Variants in LIN7A observed in about 807,000 individuals in gnomAD.
LIN7A encodes lin-7 cell polarity scaffold A.
A neutral mutation model predicts 29.8 loss-of-function variants in LIN7A; 25 were observed. That is an observed-to-expected ratio of 0.84 (90% confidence interval 0.61 to 1.17). The LOEUF (loss-of-function observed/expected upper bound fraction) is 1.17. Ranked by LOEUF, LIN7A falls within the 50% of genes most tolerant of loss-of-function variation. The probability of loss-of-function intolerance (pLI) is 0.00; values close to 1 mark genes in which losing one functional copy is unlikely to be tolerated. For missense variants in LIN7A, 239 were observed against 287.0 expected (o/e 0.83, Z 1.21); for synonymous variants, 118 against 107.5 (o/e 1.10, Z -0.60).
intron 1 of LIN7A, among the ~76,000 whole-genome samples, chr12:80,913,987 A>T (rs1417126845): frequency 6.6e-6 from 1 of 152,174 alleles, no homozygotes; most frequent in Non-Finnish European, 1.5e-5. Context: ...TGTTTCCCCC[A>T]CATCTTAAAG....
chr12:80,876,287 A>G (rs1253100614), intron 2 of LIN7A, among the ~76,000 whole-genome samples: 1 of 152,168 alleles, frequency 6.6e-6, no homozygotes, highest in Non-Finnish European at 1.5e-5. Flanking sequence ...ACAGATTCCT[A>G]TGTGGAGACT....
intron 1 of LIN7A, among the ~76,000 whole-genome samples, chr12:80,929,838 G>T (rs557735615): frequency 6.6e-6 from 1 of 152,040 alleles, no homozygotes; most frequent in Non-Finnish European, 1.5e-5. Flanking sequence ...TGGAAGCCAG[G>T]TTATTTGTCC....
chr12:80,890,879 A>G (rs1875585809), intron 1 of LIN7A, among the ~76,000 whole-genome samples: 1 of 152,170 alleles, frequency 6.6e-6, no homozygotes, highest in African/African-American at 2.4e-5. Context: ...CCTAGGAGAC[A>G]GAGTGAGACC....
At chr12:80,902,694 T>C (rs191052974) in intron 1 of LIN7A, among the ~76,000 whole-genome samples, 31 of 152,240 alleles carry the variant, frequency 2.0e-4, no homozygotes, top group African/African-American at 6.7e-4. Context: ...AGGCTACTGG[T>C]TTTTGTACAT....
At chr12:80,912,076 G>C (rs1375948874) in intron 1 of LIN7A, among the ~76,000 whole-genome samples, 1 of 152,060 alleles carries the variant, frequency 6.6e-6, no homozygotes, top group East Asian at 1.9e-4. Flanking sequence ...GTGCATCTCA[G>C]TGTCAACACT....
At chr12:80,819,703 C>T (rs186484470) in intron 4 of LIN7A, among the ~76,000 whole-genome samples, 19 of 150,810 alleles carry the variant, frequency 1.3e-4, no homozygotes, top group Middle Eastern at 3.4e-3. Context: ...CTTCACTTTC[C>T]TTGTCTGTAA....
chr12:80,883,936 C>T (rs1204296524), intron 2 of LIN7A, among the ~76,000 whole-genome samples: 2 of 152,166 alleles, frequency 1.3e-5, no homozygotes, highest in Non-Finnish European at 2.9e-5. Flanking sequence ...AAATAATTCT[C>T]ACTGGGGACC....
chr12:80,932,490 T>A (rs1877967887), intron 1 of LIN7A, among the ~76,000 whole-genome samples: 3 of 152,240 alleles, frequency 2.0e-5, no homozygotes, highest in Admixed American at 2.0e-4. Flanking sequence ...AAAAGTTAGA[T>A]GATAGTAATA....
chr12:80,804,018 T>C (rs1395466619), intron 5 of LIN7A, among the ~76,000 whole-genome samples: 1 of 152,178 alleles, frequency 6.6e-6, no homozygotes, highest in African/African-American at 2.4e-5. Flanking sequence ...AGCTGTGAAA[T>C]GTTAGGTACA....
At chr12:80,870,854 C>A (rs1874393868) in intron 2 of LIN7A, among the ~76,000 whole-genome samples, 1 of 152,180 alleles carries the variant, frequency 6.6e-6, no homozygotes, top group African/African-American at 2.4e-5. Context: ...ATGGTAGGCA[C>A]ATTCACATTC....
chr12:80,850,362 T>C lies in LIN7A; in HGVS notation c.202-2040A>G, dbSNP rs1244194496. ...ATAAGATAAGAACAATTTGCCATGT[T>C]TAGTATGTTTCCAAAAGTTAGCTAT... On this transcript the variant is annotated intron_variant, in intron 2 of 5. Transcript: ENST00000552864. Among the ~76,000 whole-genome samples, 4 of 152,286 alleles carry C rather than the reference T, an allele frequency of 2.6e-5. No homozygotes were observed. The East Asian group carries it at 7.7e-4, about 29-fold the overall frequency.
chr12:80,825,255 C>T lies in LIN7A; in HGVS notation c.484-13572G>A, dbSNP rs1005064652. 9.2e-5 allele frequency among the ~76,000 whole-genome samples: 14 copies of T among 152,148 alleles called. No homozygotes were observed. The East Asian group carries it at 1.2e-3, about 13-fold the overall frequency. On this transcript the variant is annotated intron_variant, in intron 4 of 5. Transcript: ENST00000552864. ...AAGAAAAGTTTGAAACAGTTAGGTTCGAGGGCAGTTAAGTCATTTTTGCCC... is the reference window on the plus strand; with the variant it reads ...AAGAAAAGTTTGAAACAGTTAGGTTTGAGGGCAGTTAAGTCATTTTTGCCC...
At chr12:80,802,230 A>C (rs1870756838) in intron 5 of LIN7A, among the ~76,000 whole-genome samples, 1 of 152,130 alleles carries the variant, frequency 6.6e-6, no homozygotes, top group South Asian at 2.1e-4. Context: ...TAAGTGAGAC[A>C]TGTGGTATTT....
At chr12:80,858,822 A>C (rs75267927) in intron 2 of LIN7A, among the ~76,000 whole-genome samples, 3 of 152,180 alleles carry the variant, frequency 2.0e-5, no homozygotes, top group African/African-American at 4.8e-5. Context: ...CTTGAAATTT[A>C]CTAGTGTACT....
At position 80,843,561 on chromosome 12, in the gene LIN7A, G is replaced by A. The variant is rs1164262644; in HGVS notation, c.483+2169C>T. On this transcript the variant is annotated intron_variant, in intron 4 of 5. Coordinates refer to ENST00000552864, the MANE Select transcript of LIN7A (RefSeq NM_004664.4). ...ACTTTTAACCTAACTAGCAAAAGCA[G>A]TATCACTGGGAGGTTGTTAATCCTC... 2.0e-5 allele frequency among the ~76,000 whole-genome samples: 3 copies of A among 152,152 alleles called. No individual in the cohort carries two copies. The East Asian group carries it at 5.8e-4, about 29-fold the overall frequency.
intron 5 of LIN7A, among the ~76,000 whole-genome samples, chr12:80,806,033 G>A (rs541568917): frequency 5.4e-4 from 76 of 141,666 alleles, no homozygotes; most frequent in African/African-American, 1.8e-3. Context: ...AGCTGAGATC[G>A]CACCACGGCA....
chr12:80,918,902 C>A (rs529393782), intron 1 of LIN7A, among the ~76,000 whole-genome samples: 1 of 152,244 alleles, frequency 6.6e-6, no homozygotes, highest in African/African-American at 2.4e-5. Context: ...TGCACTGTAC[C>A]TTTTCTATAT....
At chr12:80,833,871 T>C (rs1196923709) in intron 4 of LIN7A, among the ~76,000 whole-genome samples, 1 of 152,200 alleles carries the variant, frequency 6.6e-6, no homozygotes, top group Non-Finnish European at 1.5e-5. Flanking sequence ...TTCGCTACAC[T>C]GTCCACAGTA....
chr12:80,909,681 C>T lies in LIN7A; in HGVS notation c.83-20312G>A, dbSNP rs886690681. Among the ~76,000 whole-genome samples the T allele has an allele frequency of 1.2e-4, 18 of 152,110 alleles. 1 individual carries two copies. Among genetic ancestry groups the T allele is most frequent in the East Asian group, 1.9e-4 (1 of 5,176 alleles). On this transcript the variant is annotated intron_variant, in intron 1 of 5. Transcript: ENST00000552864. Reference sequence around the variant, plus strand: ...CCCACCCTCATAACTTAATCGCATCCCCAAAGGCCCCACCTCCTAATAGTA... The same window carrying T: ...CCCACCCTCATAACTTAATCGCATCTCCAAAGGCCCCACCTCCTAATAGTA...
Sources: gnomAD v4.1 joint callset for allele counts (sites outside exome capture counted in the v4.1 genomes callset) on GRCh38, gnomAD v4.1.1 for gene constraint, MANE v1.5 for transcripts, NCBI Gene and HGNC (gene_info 2026-07-23, HGNC 2026-07-21) for gene names.